The following EYS variants were observed in gnomAD, a reference collection of about 807,000 sequenced individuals.
EYS encodes the protein protein eyes shut homolog.
In EYS, 250 loss-of-function variants were observed where a neutral mutation model predicts 282.1. The observed-to-expected ratio is 0.89, with a 90% CI of 0.80 to 0.98. The LOEUF (loss-of-function observed/expected upper bound fraction) is 0.98. Ranked by LOEUF, EYS falls within the 50% of genes least tolerant of loss-of-function variation. The pLI, the probability that EYS is intolerant of heterozygous loss-of-function variation, is 0.00. For synonymous variants in EYS, 1,355 were observed against 1,282.9 expected (o/e 1.06, Z -1.20); for missense variants, 4,016 against 3,709.0 (o/e 1.08, Z -2.15).
intron 35 of EYS, among the ~76,000 whole-genome samples, chr6:63,874,432 G>T (rs1275813317): frequency 6.6e-6 from 1 of 152,182 alleles, no homozygotes; most frequent in Non-Finnish European, 1.5e-5. Context: ...GTAGCATGAT[G>T]CCAACAGCTT....
At chr6:65,493,466 G>A (rs1258406646) in intron 4 of EYS, among the ~76,000 whole-genome samples, 4 of 151,976 alleles carry the variant, frequency 2.6e-5, no homozygotes, top group Admixed American at 2.6e-4. Flanking sequence ...TTAGATCATC[G>A]TGGTCTTATT....
intron 19 of EYS, among the ~76,000 whole-genome samples, chr6:64,868,008 G>A (rs9351462): frequency 0.16 from 23,509 of 151,172 alleles, 2,157 homozygotes; most frequent in East Asian, 0.49. Flanking sequence ...TCATTTAGAA[G>A]AAGCTCTAAT....
At chr6:65,611,399 T>TTTTCTC (rs1765994653) in intron 2 of EYS, among the ~76,000 whole-genome samples, 1 of 152,020 alleles carries the variant, frequency 6.6e-6, no homozygotes, top group East Asian at 1.9e-4. Context: ...ATACCTTCAG[T>TTTTCTC]ATGAATATAA....
intron 28 of EYS, among the ~76,000 whole-genome samples, chr6:64,429,638 T>A (rs1447002187): frequency 6.6e-6 from 1 of 152,164 alleles, no homozygotes. Flanking sequence ...CTTGAGACCC[T>A]GTCTCAAAGA....
In EYS at chr6:65,490,652, TC is replaced by T. The variant is rs1766006937; in HGVS notation, c.803del (p.Gly268GlufsTer71). 2 of 1,612,986 alleles carry T rather than the reference TC, an allele frequency of 1.2e-6. No individual in the cohort carries two copies. The highest frequency in any genetic ancestry group is 2.7e-5 in the African/African-American group (2 of 75,016). ...GQCQPHVCFH[G>X]NCSNITSNSF... ...TATTTGAAGTAATATTGCTGCAGTT[TC>T]CATGGAAACAGACATGTGGTTGACA... On this transcript the variant is annotated frameshift_variant, in exon 5 of 43. Transcript: ENST00000503581. LOFTEE classifies it high-confidence loss of function.
At chr6:65,346,352 C>G (rs1234990524) in intron 9 of EYS, among the ~76,000 whole-genome samples, 1 of 135,758 alleles carries the variant, frequency 7.4e-6, no homozygotes, top group Non-Finnish European at 1.6e-5. Flanking sequence ...AAAATTAAAA[C>G]AAACAAAACT....
At chr6:65,318,744 C>T (rs1304127901) in intron 11 of EYS, among the ~76,000 whole-genome samples, 2 of 150,700 alleles carry the variant, frequency 1.3e-5, no homozygotes, top group Non-Finnish European at 2.9e-5. Context: ...TGGGTTCAAG[C>T]GATTCTCCTT....
intron 16 of EYS, among the ~76,000 whole-genome samples, chr6:64,911,730 T>C (rs778488347): frequency 6.6e-6 from 1 of 152,086 alleles, no homozygotes; most frequent in Non-Finnish European, 1.5e-5. Context: ...GCCATGTGTT[T>C]TGGAGCAGAA....
chr6:64,288,463 C>T (rs745685662), intron 30 of EYS, among the ~76,000 whole-genome samples: 33 of 152,072 alleles, frequency 2.2e-4, no homozygotes, highest in Non-Finnish European at 3.4e-4. Context: ...TTCCAGTCTT[C>T]GCTGCTGCTG....
chr6:65,385,011 T>G (rs989405938), intron 7 of EYS, among the ~76,000 whole-genome samples: 1 of 151,872 alleles, frequency 6.6e-6, no homozygotes, highest in Non-Finnish European at 1.5e-5. Context: ...AAACAATCTA[T>G]ATTCCAGTCT....
intron 26 of EYS, among the ~76,000 whole-genome samples, chr6:64,526,627 A>G (rs930479634): frequency 6.6e-6 from 1 of 151,826 alleles, no homozygotes; most frequent in African/African-American, 2.4e-5. Context: ...TCTGAATTTC[A>G]TCACTTCTGA....
intron 19 of EYS, among the ~76,000 whole-genome samples, chr6:64,863,670 A>G (rs943448971): frequency 1.3e-5 from 2 of 152,250 alleles, no homozygotes; most frequent in African/African-American, 4.8e-5. Context: ...TTTTTAAGTC[A>G]TGATCATCTT....
intron 12 of EYS, among the ~76,000 whole-genome samples, chr6:65,095,663 T>C (rs1049994218): frequency 6.6e-6 from 1 of 151,160 alleles, no homozygotes; most frequent in Non-Finnish European, 1.5e-5. Flanking sequence ...TAATTAACAT[T>C]AATTCTTTTC....
chr6:65,192,570 G>A (rs192268083), intron 12 of EYS, among the ~76,000 whole-genome samples: 3 of 151,642 alleles, frequency 2.0e-5, no homozygotes, highest in Non-Finnish European at 2.9e-5. Flanking sequence ...TTAGAAACCC[G>A]AGCTCTTACT....
At chr6:64,354,497 A>T (rs1354607023) in intron 29 of EYS, among the ~76,000 whole-genome samples, 3 of 151,610 alleles carry the variant, frequency 2.0e-5, no homozygotes, top group Admixed American at 6.6e-5. Context: ...ATAAAAAAAG[A>T]ATGTTAAGTG....
chr6:65,028,466 C>CA (rs1164014363), intron 13 of EYS, among the ~76,000 whole-genome samples: 1 of 151,908 alleles, frequency 6.6e-6, no homozygotes, highest in Non-Finnish European at 1.5e-5. Context: ...AGTACAATTA[C>CA]AAAAACCAAT....
rs1249104427 is a variant in EYS at position 64,277,764 on chromosome 6, G to A, written c.6191+29206C>T. 2.0e-5 allele frequency among the ~76,000 whole-genome samples: 3 copies of A among 152,100 alleles called. No individual in the cohort carries two copies. In the East Asian group the frequency reaches 5.8e-4, roughly 29 times the overall value. On this transcript the variant is annotated intron_variant, in intron 30 of 42. Transcript: ENST00000503581. ...AAAATTTGAATAATCAAGGAGGATG[G>A]AGAAACAAAGTGTTTGGATAGGCTC...
At chr6:65,210,654 T>C (rs1246358977) in intron 12 of EYS, among the ~76,000 whole-genome samples, 3 of 151,860 alleles carry the variant, frequency 2.0e-5, no homozygotes, top group African/African-American at 7.3e-5. Flanking sequence ...AATAGTGTAT[T>C]ATAGAGGAAA....
At chr6:65,341,909 G>T (rs553626033) in intron 10 of EYS, among the ~76,000 whole-genome samples, 81 of 151,032 alleles carry the variant, frequency 5.4e-4, no homozygotes, top group Non-Finnish European at 9.5e-4. Flanking sequence ...TGCCATTCTA[G>T]GATGATTTTT....
Sources: allele counts gnomAD v4.1 joint callset (sites outside exome capture counted in the v4.1 genomes callset), GRCh38; gene constraint gnomAD v4.1.1; transcripts MANE v1.5; gene names NCBI Gene and HGNC (gene_info 2026-07-23, HGNC 2026-07-21).